The following PATL2 variants were observed in gnomAD, a reference collection of about 807,000 sequenced individuals.
The protein encoded by PATL2 is protein PAT1 homolog 2.
A neutral mutation model predicts 77.0 loss-of-function variants in PATL2; 73 were observed. That is an observed-to-expected ratio of 0.95 (90% CI 0.78 to 1.15). The LOEUF is 1.15. Ranked by LOEUF, PATL2 falls within the 50% of genes most tolerant of loss-of-function variation. The probability of loss-of-function intolerance (pLI) is 0.00; values close to 1 mark genes in which losing one functional copy is unlikely to be tolerated. For synonymous variants in PATL2, 265 were observed against 257.1 expected (o/e 1.03, Z -0.29); for missense variants, 618 against 655.4 (o/e 0.94, Z 0.62).
At chr15:44,701,256 G>GTTT (rs200819803) in intron 3 of PATL2, among the ~76,000 whole-genome samples, 1 of 143,794 alleles carries the variant, frequency 7.0e-6, no homozygotes, top group Non-Finnish European at 1.5e-5. Flanking sequence ...TTTGCCTGTA[G>GTTT]TTTTTTTTTT....
In PATL2 at chr15:44,670,060, G is replaced by A; in HGVS notation, c.685C>T (p.Gln229Ter). ...QEYYQKLEKK[Q>*]ADEELLGRRN... ...CGTCCAAGTAGCTCTTCGTCTGCCT[G>A]CTTCTTCTCTAGCTTCTGGTAATAT... Residue 229 changes from glutamine to a stop codon, truncating the protein, a stop_gained, in exon 10 of 18, where the codon CAG becomes TAG. Coordinates refer to ENST00000682850, the MANE Select transcript of PATL2 (RefSeq NM_001387263.1). LOFTEE classifies it high-confidence loss of function. The A allele has an allele frequency of 6.4e-7, 1 of 1,551,572 alleles. No individual in the cohort carries two copies. The highest frequency in any genetic ancestry group is 8.7e-7 in the Non-Finnish European group (1 of 1,146,970).
Position 44,668,353 on chromosome 15 carries a change from G to GC in PATL2, c.1353dup (p.Leu452AlafsTer33), listed in dbSNP as rs2085487433. 6.4e-7 allele frequency: 1 copy of GC among 1,550,584 alleles called. No individual in the cohort carries two copies. Among genetic ancestry groups the GC allele is most frequent in the African/African-American group, 1.4e-5 (1 of 73,014 alleles). ...CCTAGACATGTTACCTGATTCTGAA[G>GC]CACCACGGTGACTGGCCGCTCTGAG... is the stretch of plus-strand genomic sequence containing the variant. On this transcript the variant is annotated frameshift_variant, in exon 15 of 18. Transcript: ENST00000682850. LOFTEE classifies it high-confidence loss of function.
In PATL2 at chr15:44,669,367, G is replaced by A. The variant is rs2141174394; in HGVS notation, c.977C>T (p.Pro326Leu). 2 of 1,551,602 alleles carry A rather than the reference G, an allele frequency of 1.3e-6. No individual in the cohort carries two copies. Among genetic ancestry groups the A allele is most frequent in the South Asian group, 1.2e-5 (1 of 84,060 alleles). The change falls in exon 13 of 18, where the codon CCT becomes CTT. Residue 326 changes from proline to leucine, a missense_variant. Pro to Leu is a moderately conservative substitution (Grantham distance 98, BLOSUM62 -3). Transcript: ENST00000682850. ...LEIEEGWKYR[P>L]PPPCFSEQQS... The stretch of plus-strand genomic sequence containing the variant: ...CTGCTCAGAAAAGCAGGGCGGTGGA[G>A]GCCTATACTTCCAGCCTTCCTCTAT...
chr15:44,681,393 C>T (rs1468264017), intron 3 of PATL2, among the ~76,000 whole-genome samples: 2 of 152,204 alleles, frequency 1.3e-5, no homozygotes, highest in African/African-American at 2.4e-5. Flanking sequence ...GCATTCAACA[C>T]TGCTGATCAC....
chr15:44,694,137 C>T (rs1460164389), intron 3 of PATL2, among the ~76,000 whole-genome samples: 1 of 152,124 alleles, frequency 6.6e-6, no homozygotes, highest in Non-Finnish European at 1.5e-5. Flanking sequence ...CTTCCCTTCC[C>T]CCTACTAAAC....
chr15:44,694,501 T>C (rs2086461902), intron 3 of PATL2, among the ~76,000 whole-genome samples: 17 of 152,254 alleles, frequency 1.1e-4, no homozygotes, highest in Admixed American at 9.8e-4. Flanking sequence ...CTTTTGCCTC[T>C]TAAACTTCCG....
At chr15:44,690,547 A>G (rs2086368289) in intron 3 of PATL2, among the ~76,000 whole-genome samples, 2 of 149,444 alleles carry the variant, frequency 1.3e-5, no homozygotes, top group African/African-American at 4.9e-5. Flanking sequence ...AATGTTGTCT[A>G]GTCTGCTCTT....
intron 3 of PATL2, among the ~76,000 whole-genome samples, chr15:44,706,957 C>G (rs1032367837): frequency 1.3e-5 from 2 of 152,000 alleles, no homozygotes; most frequent in African/African-American, 4.8e-5. Context: ...AACTGGCACC[C>G]AAGCCACAAG....
chr15:44,695,111 C>A (rs1427847994), intron 3 of PATL2, among the ~76,000 whole-genome samples: 2 of 151,918 alleles, frequency 1.3e-5, no homozygotes, highest in African/African-American at 4.8e-5. Flanking sequence ...TCACTTGAAC[C>A]CGGGAGGTGG....
intron 3 of PATL2, among the ~76,000 whole-genome samples, chr15:44,679,005 A>G (rs1459097189): frequency 6.6e-6 from 1 of 152,164 alleles, no homozygotes; most frequent in East Asian, 1.9e-4. Flanking sequence ...AGTTGTTCAT[A>G]GTATAAGTGT....
Position 44,670,509 on chromosome 15 carries a change from ACT to A in PATL2, c.658-424_658-423del, listed in dbSNP as rs74527750. On this transcript the variant is annotated intron_variant, in intron 9 of 17. Coordinates refer to ENST00000682850, the MANE Select transcript of PATL2 (RefSeq NM_001387263.1). ...GCCCAGACAAGCACGGCCTCTTAACACTCTTTCCTACAACAATCATTCCAGAA... is the reference window on the plus strand; with the variant it reads ...GCCCAGACAAGCACGGCCTCTTAACACTTTCCTACAACAATCATTCCAGAA... Among the ~76,000 whole-genome samples, 542 of 151,888 alleles carry A rather than the reference ACT, an allele frequency of 3.6e-3. 1 individual carries two copies. The highest frequency in any genetic ancestry group is 6.2e-3 in the Non-Finnish European group (421 of 67,928).
At chr15:44,668,317 G>A in intron 15 of PATL2, 25 bp downstream of exon 15, 1 of 1,544,280 alleles carries the variant, frequency 6.5e-7, no homozygotes, top group South Asian at 1.2e-5. Context: ...GCCATCTATG[G>A]AAAAAAGCCT....
rs539586553 is a variant in PATL2, at chr15:44,675,828, C to T, written c.17-137G>A. ...ACCTTTGAACATAACGCCTCCTGTT[C>T]TGTGGGTTTAACTCGGCCTCCCTTC... On this transcript the variant is annotated intron_variant, in intron 4 of 17. Coordinates refer to ENST00000682850, the MANE Select transcript of PATL2 (RefSeq NM_001387263.1). 3 of 746,046 alleles carry T rather than the reference C, an allele frequency of 4.0e-6. No homozygotes were observed. The South Asian group carries it at 6.0e-5, about 15-fold the overall frequency. The allele number at this position is 746,046 out of a possible 1,614,324, so 46.2% of individuals were successfully genotyped here. A position where few individuals can be genotyped will look rare whatever the true frequency, so the allele number is the denominator to read the frequency against.
chr15:44,674,672 A>G (rs532691507), intron 5 of PATL2: 1 of 152,398 alleles, frequency 6.6e-6, no homozygotes, highest in African/African-American at 2.4e-5. Context: ...AGCTCAAGCC[A>G]TCCTCCTGCC....
intron 9 of PATL2, among the ~76,000 whole-genome samples, chr15:44,670,401 T>C (rs12901431): frequency 0.9 from 137,301 of 152,130 alleles, 61,994 homozygotes; most frequent in East Asian, 1. Flanking sequence ...ACCATGTTGC[T>C]CAGGCTGGTC....
intron 4 of PATL2, chr15:44,676,029 T>C: frequency 3.1e-6 from 1 of 326,958 alleles, no homozygotes; most frequent in Non-Finnish European, 5.6e-6. Flanking sequence ...GTAAAAAATT[T>C]AAAAAGCAAA....
At chr15:44,695,612 C>A (rs951900125) in intron 3 of PATL2, among the ~76,000 whole-genome samples, 2 of 152,116 alleles carry the variant, frequency 1.3e-5, no homozygotes, top group African/African-American at 4.8e-5. Context: ...TGCCGGCTGG[C>A]CTTTTCCTCA....
chr15:44,670,610 A>G (rs768399741), intron 9 of PATL2, among the ~76,000 whole-genome samples: 1 of 152,226 alleles, frequency 6.6e-6, no homozygotes, highest in Non-Finnish European at 1.5e-5. Context: ...CACATCACCC[A>G]TCTTGGAATT....
intron 3 of PATL2, among the ~76,000 whole-genome samples, chr15:44,700,958 G>A (rs751306791): frequency 1.3e-5 from 2 of 151,982 alleles, no homozygotes; most frequent in Non-Finnish European, 2.9e-5. Flanking sequence ...CCAGTTTTTG[G>A]GGGGGGTTTT....
Sources: allele counts gnomAD v4.1 joint callset (sites outside exome capture counted in the v4.1 genomes callset), GRCh38; gene constraint gnomAD v4.1.1; transcripts MANE v1.5; gene names NCBI Gene and HGNC (gene_info 2026-07-23, HGNC 2026-07-21).